Variants in MAGI3 observed in about 807,000 individuals in gnomAD.
MAGI3 encodes membrane associated guanylate kinase, WW and PDZ domain containing 3.
MAGI3 carries 43 observed loss-of-function variants against 121.8 expected under a neutral mutation model. The observed-to-expected ratio is 0.35, with a 90% CI of 0.28 to 0.46. MAGI3 has a LOEUF of 0.46. Ranked by LOEUF, MAGI3 falls within the 20% of genes least tolerant of loss-of-function variation. The pLI, the probability that MAGI3 is intolerant of heterozygous loss-of-function variation, is 1.00. For missense variants in MAGI3, 1,547 were observed against 1,797.3 expected, an observed-to-expected ratio of 0.86 and a Z score of 2.52; for synonymous variants, 553 against 639.3, an observed-to-expected ratio of 0.86 and a Z score of 2.04.
chr1:113,662,369 C>T (rs547745854), intron 16 of MAGI3, among the ~76,000 whole-genome samples: 1 of 152,270 alleles, frequency 6.6e-6, no homozygotes, highest in African/African-American at 2.4e-5. Context: ...CTTCCTCTGC[C>T]ATGGTATCTT....
chr1:113,529,119 T>A (rs1188188457), intron 1 of MAGI3, among the ~76,000 whole-genome samples: 2 of 152,216 alleles, frequency 1.3e-5, no homozygotes, highest in Non-Finnish European at 2.9e-5. Context: ...TTTTATTTTG[T>A]ACATCTACCC....
chr1:113,672,591 T>G, intron 17 of MAGI3, 24 bp from the exon 18 acceptor site: 1 of 1,602,294 alleles, frequency 6.2e-7, no homozygotes, highest in Non-Finnish European at 8.5e-7. Context: ...GTTCAGAGAG[T>G]GACTTGATTT....
chr1:113,427,004 TATA>T (rs1570659754), intron 1 of MAGI3, among the ~76,000 whole-genome samples: 1 of 152,276 alleles, frequency 6.6e-6, no homozygotes, highest in East Asian at 1.9e-4. Context: ...CCTCTCTTTA[TATA>T]TTTGTGTATG....
At chr1:113,603,197 G>A (rs972664628) in intron 6 of MAGI3, among the ~76,000 whole-genome samples, 1 of 152,090 alleles carries the variant, frequency 6.6e-6, no homozygotes, top group Non-Finnish European at 1.5e-5. Context: ...AGGCTACTAT[G>A]AATAAGTGAA....
chr1:113,618,378 G>A (rs1315180178), intron 7 of MAGI3, among the ~76,000 whole-genome samples: 2 of 151,942 alleles, frequency 1.3e-5, no homozygotes, highest in Non-Finnish European at 2.9e-5. Context: ...CAAAGTAAAT[G>A]TTCAACTTGT....
chr1:113,529,574 A>G (rs1658611926), intron 1 of MAGI3, among the ~76,000 whole-genome samples: 1 of 152,214 alleles, frequency 6.6e-6, no homozygotes, highest in Non-Finnish European at 1.5e-5. Flanking sequence ...TTGGGGGAAC[A>G]TAAATATTTA....
intron 1 of MAGI3, among the ~76,000 whole-genome samples, chr1:113,416,763 A>C (rs2101365453): frequency 6.6e-6 from 1 of 151,784 alleles, no homozygotes; most frequent in Middle Eastern, 3.4e-3. Context: ...TGATGATATA[A>C]ATATGGACTT....
chr1:113,548,475 G>A (rs1659635233), intron 1 of MAGI3, among the ~76,000 whole-genome samples: 2 of 152,186 alleles, frequency 1.3e-5, no homozygotes, highest in African/African-American at 2.4e-5. Context: ...AGTCAAGCAA[G>A]TGGACAGAAA....
intron 1 of MAGI3, among the ~76,000 whole-genome samples, chr1:113,513,801 T>G (rs1440074288): frequency 6.6e-6 from 1 of 152,034 alleles, no homozygotes; most frequent in Non-Finnish European, 1.5e-5. Context: ...ACTAAAGAGC[T>G]TCTGCACAGC....
intron 1 of MAGI3, among the ~76,000 whole-genome samples, chr1:113,472,247 G>T (rs1346570041): frequency 2.0e-5 from 3 of 148,608 alleles, no homozygotes; most frequent in Non-Finnish European, 4.4e-5. Context: ...CTGTCACCCA[G>T]GCTGGAGTGC....
chr1:113,474,918 G>T (rs1655735666), intron 1 of MAGI3, among the ~76,000 whole-genome samples: 1 of 152,160 alleles, frequency 6.6e-6, no homozygotes, highest in African/African-American at 2.4e-5. Context: ...ATTTCCTTGA[G>T]CAGTGGTTTG....
rs201425493 is a variant in MAGI3 at position 113,642,467 on chromosome 1, A to G, written c.1917A>G (p.Leu639=). 6.2e-7 allele frequency: 1 copy of G among 1,614,112 alleles called. No individual in the cohort carries two copies. Among genetic ancestry groups the G allele is most frequent in the African/African-American group, 1.3e-5 (1 of 75,068 alleles). The change falls in exon 10 of 21, where the codon CTA becomes CTG. Residue 639 remains leucine (L), a synonymous_variant. Transcript: ENST00000307546. Reference sequence around the variant, plus strand: ...CACATCTCCAAGTGGTAGAGGTGCTAAAGCAGTTTCCAGTAGGTGCTGATG... The same window carrying G: ...CACATCTCCAAGTGGTAGAGGTGCTGAAGCAGTTTCCAGTAGGTGCTGATG... ...NLTHLQVVEV[L]KQFPVGADVP...
At chr1:113,458,421 G>C (rs2101508477) in intron 1 of MAGI3, among the ~76,000 whole-genome samples, 1 of 152,284 alleles carries the variant, frequency 6.6e-6, no homozygotes, top group Middle Eastern at 3.4e-3. Flanking sequence ...TGTTTTGGCT[G>C]TGTTAACTCT....
chr1:113,410,988 C>G (rs898362098), intron 1 of MAGI3, among the ~76,000 whole-genome samples: 1 of 152,086 alleles, frequency 6.6e-6, no homozygotes, highest in African/African-American at 2.4e-5. Flanking sequence ...TGTTTCTGTC[C>G]TCTAGACAGC....
At chr1:113,630,383 C>T (rs1651548660) in intron 9 of MAGI3, among the ~76,000 whole-genome samples, 1 of 152,124 alleles carries the variant, frequency 6.6e-6, no homozygotes, top group South Asian at 2.1e-4. Flanking sequence ...AGACTAGGTC[C>T]AGAAATGCTG....
chr1:113,572,632 G>T (rs1647369655), intron 2 of MAGI3, among the ~76,000 whole-genome samples: 1 of 152,150 alleles, frequency 6.6e-6, no homozygotes, highest in African/African-American at 2.4e-5. Flanking sequence ...GAGGATGTAT[G>T]TGTCCAGGAA....
At chr1:113,395,087 G>GTTTTT (rs139532433) in intron 1 of MAGI3, among the ~76,000 whole-genome samples, 362 of 33,222 alleles carry the variant, frequency 0.011, 49 homozygotes, top group South Asian at 0.016. Context: ...CTTTTTGTTA[G>GTTTTT]TTTTTTTTTT....
At chr1:113,581,573 T>G (rs1157911184) in intron 3 of MAGI3, among the ~76,000 whole-genome samples, 1 of 152,098 alleles carries the variant, frequency 6.6e-6, no homozygotes, top group Non-Finnish European at 1.5e-5. Flanking sequence ...ACAATACCCT[T>G]CTTTCACTTT....
intron 1 of MAGI3, among the ~76,000 whole-genome samples, chr1:113,482,432 C>T (rs1276593162): frequency 6.6e-6 from 1 of 151,986 alleles, no homozygotes; most frequent in Non-Finnish European, 1.5e-5. Context: ...CTGCCAGGCT[C>T]AAGTGATCCT....
Sources: gnomAD v4.1 joint callset for allele counts (sites outside exome capture counted in the v4.1 genomes callset) on GRCh38, gnomAD v4.1.1 for gene constraint, MANE v1.5 for transcripts, NCBI Gene and HGNC (gene_info 2026-07-23, HGNC 2026-07-21) for gene names.